Variants in ATM observed in about 807,000 individuals in gnomAD.
ATM encodes the protein serine-protein kinase ATM.
In ATM, 308 loss-of-function variants were observed where a neutral mutation model predicts 387.0. The ratio of observed to expected loss-of-function variants is 0.80; its 90% CI spans 0.73 to 0.87. The LOEUF is 0.87. Among genes scored for constraint, ATM ranks in the 40% least tolerant of loss-of-function variants. The pLI is 0.00. For synonymous variants in ATM, 1,156 were observed against 1,187.3 expected, an observed-to-expected ratio of 0.97 and a Z score of 0.54; for missense variants, 3,312 against 3,560.9, an observed-to-expected ratio of 0.93 and a Z score of 1.78.
intron 5 of ATM, among the ~76,000 whole-genome samples, chr11:108,240,874 T>TA (rs1483371035): frequency 2.0e-5 from 3 of 152,226 alleles, no homozygotes; most frequent in African/African-American, 7.2e-5. Flanking sequence ...TTAGCTACTA[T>TA]AACTTTTTTA....
chr11:108,269,485 A>C (rs1302947188), intron 18 of ATM, among the ~76,000 whole-genome samples: 1 of 152,158 alleles, frequency 6.6e-6, no homozygotes, highest in Non-Finnish European at 1.5e-5. Flanking sequence ...TTTCTGTCCA[A>C]ATTTATAAAT....
In ATM at chr11:108,317,474, C is replaced by T. The variant is rs1591789955; in HGVS notation, c.6300C>T (p.Tyr2100=). The T allele has an allele frequency of 6.2e-7, 1 of 1,611,720 alleles. No individual in the cohort carries two copies. Among genetic ancestry groups the T allele is most frequent in the African/African-American group, 1.3e-5 (1 of 74,478 alleles). ...GTCCTGAACTAGAAGAACTTCATTA[C>T]CAAGCAGCATGGAGGAATATGCAGT... The part of the protein sequence containing the change: ...DWCPELEELH[Y]QAAWRNMQWD... The change falls in exon 43 of 63, where the codon TAC becomes TAT. Residue 2100 remains tyrosine (Y), a synonymous_variant. Transcript: ENST00000675843.
intron 43 of ATM, 145 bp from the exon 44 acceptor site, chr11:108,319,809 A>G (rs2085059769): frequency 3.1e-6 from 2 of 640,378 alleles, no homozygotes; most frequent in Non-Finnish European, 5.5e-6. Context: ...TAAAATTTGT[A>G]TTTCTTACCA....
At chr11:108,272,467 A>AGT in intron 20 of ATM, 65 bp from the exon 21 acceptor site, 1 of 1,313,178 alleles carries the variant, frequency 7.6e-7, no homozygotes, top group East Asian at 2.3e-5. Context: ...ATAACCTTTC[A>AGT]GTGAGTTTTC....
At chr11:108,265,533 G>A (rs1447867608) in intron 16 of ATM, among the ~76,000 whole-genome samples, 1 of 151,126 alleles carries the variant, frequency 6.6e-6, no homozygotes, top group African/African-American at 2.4e-5. Flanking sequence ...AAAAACCCTA[G>A]AAGAAAACCT....
At chr11:108,301,132 A>C (rs753653331) in intron 34 of ATM, among the ~76,000 whole-genome samples, 1 of 152,122 alleles carries the variant, frequency 6.6e-6, no homozygotes, top group Non-Finnish European at 1.5e-5. Context: ...GTGCCACAGA[A>C]AATTTGCGAG....
At chr11:108,274,152 T>A (rs2081787868) in intron 22 of ATM, among the ~76,000 whole-genome samples, 1 of 152,218 alleles carries the variant, frequency 6.6e-6, no homozygotes, top group Non-Finnish European at 1.5e-5. Context: ...TCTAGTTTAT[T>A]TGCATAGAGG....
rs1591503368 is a variant in ATM at position 108,244,809 on chromosome 11, T to G, written c.684T>G (p.Gly228=). Residue 228 remains glycine, a synonymous_variant, in exon 7 of 63, where the codon GGT becomes GGG. Transcript: ENST00000675843. ...QCARQEKSSS[G]LNHILAALTI... ...ACAGACAAGAAAAGAGCTCTTCAGG[T>G]CTAAATCATATCTTAGCAGCTCTTA... is the stretch of plus-strand genomic sequence containing the variant. 3 of 1,613,764 alleles carry G rather than the reference T, an allele frequency of 1.9e-6. No homozygotes were observed. Among genetic ancestry groups the G allele is most frequent in the Non-Finnish European group, 2.5e-6 (3 of 1,179,884 alleles).
In ATM at chr11:108,299,664, T is replaced by C. The variant is rs1250674960; in HGVS notation, c.5006-50T>C. 6.4e-7 allele frequency: 1 copy of C among 1,572,616 alleles called. No homozygotes were observed. The highest frequency in any genetic ancestry group is 1.4e-5 in the African/African-American group (1 of 73,986). ...TTGAAATTAGAAAATTTCAGTTTTA[T>C]GTATGATCTCTTACCTATGACTCTA... On this transcript the variant is annotated intron_variant, in intron 33 of 62. Transcript: ENST00000675843.
intron 59 of ATM, among the ~76,000 whole-genome samples, chr11:108,352,096 A>C (rs1055931395): frequency 6.6e-6 from 1 of 152,190 alleles, no homozygotes. Context: ...AATAACTAAA[A>C]GGTGTAGGTG....
intron 44 of ATM, among the ~76,000 whole-genome samples, chr11:108,321,020 T>G (rs1326903551): frequency 6.6e-6 from 1 of 152,164 alleles, no homozygotes; most frequent in African/African-American, 2.4e-5. Context: ...CTTGCCACCT[T>G]CATGTTGAGT....
At chr11:108,251,433 AG>A (rs1260080040) in intron 10 of ATM, among the ~76,000 whole-genome samples, 1 of 152,172 alleles carries the variant, frequency 6.6e-6, no homozygotes, top group African/African-American at 2.4e-5. Flanking sequence ...TCTTCATGCT[AG>A]GAACGTTTGA....
At position 108,330,297 on chromosome 11, in the gene ATM, G is replaced by A. The variant is rs1555123119; in HGVS notation, c.7391G>A (p.Cys2464Tyr). The change falls in exon 50 of 63, where the codon TGT becomes TAT. Residue 2464 changes from cysteine to tyrosine, a missense_variant. Cys to Tyr is a radical substitution (Grantham distance 194). Transcript: ENST00000675843. ...AAAGAGGATCGTAAACGCTTCTTAT[G>A]TAAAGCAGTTGAAAATTATATCAAC... is the stretch of plus-strand genomic sequence containing the variant. ...ALKEDRKRFL[C>Y]KAVENYINCL... The A allele has an allele frequency of 1.2e-6, 2 of 1,614,192 alleles. No individual in the cohort carries two copies. The highest frequency in any genetic ancestry group is 1.7e-6 in the Non-Finnish European group (2 of 1,180,016).
At position 108,325,556 on chromosome 11, in the gene ATM, T is replaced by G. The variant is rs1326459495; in HGVS notation, c.6807+12T>G. 6.3e-7 allele frequency: 1 copy of G among 1,576,624 alleles called. No individual in the cohort carries two copies. The highest frequency in any genetic ancestry group is 1.7e-5 in the Admixed American group (1 of 59,980). On this transcript the variant is annotated intron_variant, in intron 46 of 62. Transcript: ENST00000675843. Reference sequence around the variant, plus strand: ...TCAAGAACACTCAGGTAAATACAATTTAAAACTATGTCATCTTACCTCTTG... The same window carrying G: ...TCAAGAACACTCAGGTAAATACAATGTAAAACTATGTCATCTTACCTCTTG...
At chr11:108,233,593 C>G (rs2079126374) in intron 4 of ATM, among the ~76,000 whole-genome samples, 1 of 142,448 alleles carries the variant, frequency 7.0e-6, no homozygotes, top group Non-Finnish European at 1.5e-5. Context: ...AAAAAAAAGT[C>G]TCTGCAGGCA....
In ATM at chr11:108,292,624, C is replaced by T. The variant is rs863224572; in HGVS notation, c.4442C>T (p.Ser1481Phe). The T allele has an allele frequency of 5.6e-6, 9 of 1,613,404 alleles. No homozygotes were observed. Among genetic ancestry groups the T allele is most frequent in the Non-Finnish European group, 7.6e-6 (9 of 1,179,824 alleles). Reference protein sequence around the residue: ...TLIHYINQRPSCIMDVSLRSF... With the variant: ...TLIHYINQRPFCIMDVSLRSF... ...TTTTTTTCTCCCTATATTAGGCCTT[C>T]TTGTATCATGGATGTGTCATTACGT... The change falls in exon 30 of 63, where the codon TCT (serine) becomes TTT (phenylalanine). Residue 1481 changes from serine to phenylalanine, a missense_variant. Around this residue, in one of 4 missense-constraint regions of ATM, gnomAD observed 1,791 missense variants for 1,804.5 expected, o/e 0.99. Transcript: ENST00000675843.
At position 108,250,800 on chromosome 11, in the gene ATM, A is replaced by G. The variant is rs1385656085; in HGVS notation, c.1335A>G (p.Gln445=). ...TGATACTATCTCAGCTTCTACCCCA[A>G]CAGCGACATGGGGAACGTACACCAT... ...LLMILSQLLP[Q]QRHGERTPYV... is the part of the protein sequence containing the mutation. The change falls in exon 10 of 63, where the codon CAA becomes CAG. Residue 445 remains glutamine, a synonymous_variant. Coordinates refer to ENST00000675843, the MANE Select transcript of ATM (RefSeq NM_000051.4). The G allele has an allele frequency of 6.2e-6, 10 of 1,613,822 alleles. No individual in the cohort carries two copies. Among genetic ancestry groups the G allele is most frequent in the African/African-American group, 1.3e-5 (1 of 74,850 alleles).
At chr11:108,230,305 A>G (rs1294793270) in intron 4 of ATM, 2 of 152,164 alleles carry the variant, frequency 1.3e-5, no homozygotes, top group Admixed American at 6.5e-5. Context: ...AATTCCAGCT[A>G]CTTGGGAGGC....
At chr11:108,318,498 G>A (rs974025520) in intron 43 of ATM, among the ~76,000 whole-genome samples, 4 of 151,808 alleles carry the variant, frequency 2.6e-5, no homozygotes, top group African/African-American at 9.7e-5. Flanking sequence ...GAGACCAGCC[G>A]GGCCAACATG....
Sources: gnomAD v4.1 joint callset for allele counts (sites outside exome capture counted in the v4.1 genomes callset) on GRCh38, gnomAD v4.1.1 for gene constraint, gnomAD v4.1.1 regional missense constraint, MANE v1.5 for transcripts, NCBI Gene and HGNC (gene_info 2026-07-23, HGNC 2026-07-21) for gene names.